The following NCKAP5 variants were observed in gnomAD, a reference collection of about 807,000 sequenced individuals.
NCKAP5 encodes NCK associated protein 5.
NCKAP5 carries 92 observed loss-of-function variants against 167.0 expected under a neutral mutation model. That is an observed-to-expected ratio of 0.55 (90% confidence interval 0.47 to 0.66). The LOEUF is 0.66. Among genes scored for constraint, NCKAP5 ranks in the 30% least tolerant of loss-of-function variants. NCKAP5 has a pLI of 0.00. For missense variants in NCKAP5, 2,378 were observed against 2,315.0 expected, an observed-to-expected ratio of 1.03 and a Z score of -0.56; for synonymous variants, 891 against 877.4, an observed-to-expected ratio of 1.02 and a Z score of -0.27.
the NCKAP5 span, among the ~76,000 whole-genome samples, chr2:133,575,838 T>C: frequency 2.0e-5 from 3 of 152,220 alleles, no homozygotes; most frequent in African/African-American, 7.2e-5. Context: ...TATTGACTCC[T>C]GAGCTCTTTT....
At chr2:132,816,474 C>G (rs1255291047) in intron 11 of NCKAP5, among the ~76,000 whole-genome samples, 2 of 152,116 alleles carry the variant, frequency 1.3e-5, no homozygotes, top group Non-Finnish European at 2.9e-5. Context: ...CCTTTCCTTT[C>G]TCCACAGGAG....
chr2:133,526,793 C>T (rs558001985), intron 2 of NCKAP5, among the ~76,000 whole-genome samples: 1 of 152,178 alleles, frequency 6.6e-6, no homozygotes, highest in South Asian at 2.1e-4. Flanking sequence ...CTACATGTTG[C>T]CTGTGAACTC....
At chr2:133,406,655 T>A (rs994583076) in intron 3 of NCKAP5, among the ~76,000 whole-genome samples, 2 of 152,006 alleles carry the variant, frequency 1.3e-5, no homozygotes, top group Admixed American at 6.5e-5. Flanking sequence ...AAAAAGAGTT[T>A]AATAATTTAT....
At chr2:133,153,948 C>T (rs1330862706) in intron 5 of NCKAP5, among the ~76,000 whole-genome samples, 2 of 147,030 alleles carry the variant, frequency 1.4e-5, no homozygotes, top group Non-Finnish European at 3.0e-5. Flanking sequence ...TCAAGTGATT[C>T]TCCTGCCTCA....
At chr2:133,091,714 C>A (rs371363006) in intron 6 of NCKAP5, among the ~76,000 whole-genome samples, 4 of 151,968 alleles carry the variant, frequency 2.6e-5, no homozygotes, top group African/African-American at 7.3e-5. Flanking sequence ...GGTGAAAACC[C>A]GTCTCTACCA....
In NCKAP5 at chr2:132,731,968, A is replaced by T; in HGVS notation, c.5212T>A (p.Tyr1738Asn). Residue 1738 changes from tyrosine to asparagine, a missense_variant, in exon 17 of 20, where the codon TAC becomes AAC. Transcript: ENST00000409261. ...TCTGGGGAGTCTGGCTGGCATAGGT[A>T]GCGTCCTGTCGAGCGATTTCCCGAG... ...PDSGNRSTGR[Y>N]LCQPDSPEDA... 1 of 1,613,870 alleles carries T rather than the reference A, an allele frequency of 6.2e-7. No homozygotes were observed.
At chr2:133,572,063 G>A (rs541281288), upstream of NCKAP5, among the ~76,000 whole-genome samples, 1 of 152,116 alleles carries the variant, frequency 6.6e-6, no homozygotes, top group Non-Finnish European at 1.5e-5. Context: ...AGGAAACTGA[G>A]GCCCAGGGAG....
chr2:132,937,240 G>T (rs959233761), intron 8 of NCKAP5, among the ~76,000 whole-genome samples: 4 of 152,164 alleles, frequency 2.6e-5, no homozygotes, highest in African/African-American at 9.7e-5. Flanking sequence ...GCTAGGAGTA[G>T]GCATGGGCAT....
chr2:133,058,112 A>T (rs994252075), intron 6 of NCKAP5, among the ~76,000 whole-genome samples: 16 of 152,054 alleles, frequency 1.1e-4, no homozygotes, highest in African/African-American at 3.9e-4. Flanking sequence ...CAGTGTTGAG[A>T]CCTACTGCTT....
At chr2:132,790,968 C>A (rs576477812) in intron 12 of NCKAP5, among the ~76,000 whole-genome samples, 1 of 152,040 alleles carries the variant, frequency 6.6e-6, no homozygotes, top group South Asian at 2.1e-4. Context: ...TACAAAAGGA[C>A]GAAGATAGAG....
At chr2:133,220,441 T>C (rs1163067012) in intron 4 of NCKAP5, among the ~76,000 whole-genome samples, 1 of 152,220 alleles carries the variant, frequency 6.6e-6, no homozygotes, top group African/African-American at 2.4e-5. Context: ...CTACTCTTCT[T>C]ACTCAATTTT....
intron 16 of NCKAP5, 72 bp from the exon 17 acceptor site, chr2:132,732,123 T>TG (rs1051212895): frequency 7.1e-7 from 1 of 1,403,580 alleles, no homozygotes; most frequent in Non-Finnish European, 9.6e-7. Context: ...TCATGGAAAT[T>TG]GGGGTATGAT....
chr2:133,324,928 G>A (rs906384013), intron 3 of NCKAP5, among the ~76,000 whole-genome samples: 1 of 152,088 alleles, frequency 6.6e-6, no homozygotes, highest in Non-Finnish European at 1.5e-5. Context: ...GGCTGGTCTC[G>A]AAGTCCTGAC....
At chr2:133,349,983 T>C (rs1684248341) in intron 3 of NCKAP5, among the ~76,000 whole-genome samples, 1 of 152,250 alleles carries the variant, frequency 6.6e-6, no homozygotes, top group African/African-American at 2.4e-5. Flanking sequence ...TCCGTGTACC[T>C]TTCACATAGC....
intron 15 of NCKAP5, among the ~76,000 whole-genome samples, chr2:132,775,704 A>C (rs1682489283): frequency 6.6e-6 from 1 of 152,220 alleles, no homozygotes; most frequent in African/African-American, 2.4e-5. Context: ...TCTGTTTGTA[A>C]CAAGGTGACC....
chr2:133,002,428 CCT>C (rs1172634683), intron 6 of NCKAP5, among the ~76,000 whole-genome samples: 2 of 151,766 alleles, frequency 1.3e-5, no homozygotes, highest in Non-Finnish European at 2.9e-5. Context: ...GTGGTCTCTC[CCT>C]CTCTCTCAAA....
intron 4 of NCKAP5, among the ~76,000 whole-genome samples, chr2:133,252,287 G>T (rs1236173669): frequency 2.6e-5 from 4 of 152,166 alleles, no homozygotes; most frequent in South Asian, 2.1e-4. Flanking sequence ...AAATCACTTT[G>T]CCCAGAGGCC....
chr2:133,163,019 A>G (rs1316032879), intron 5 of NCKAP5, among the ~76,000 whole-genome samples: 3 of 152,212 alleles, frequency 2.0e-5, no homozygotes, highest in Non-Finnish European at 1.5e-5. Context: ...GGAAACTCCA[A>G]TATTCAGTTG....
chr2:133,398,727 T>C (rs1355583160), intron 3 of NCKAP5, among the ~76,000 whole-genome samples: 3 of 152,080 alleles, frequency 2.0e-5, no homozygotes, highest in Admixed American at 2.0e-4. Flanking sequence ...GCAGAAAGAC[T>C]TAAGGGGTGA....
Sources: allele counts gnomAD v4.1 joint callset (sites outside exome capture counted in the v4.1 genomes callset), GRCh38; gene constraint gnomAD v4.1.1; transcripts MANE v1.5; gene names NCBI Gene and HGNC (gene_info 2026-07-23, HGNC 2026-07-21).